Variants in SUGCT observed in about 807,000 individuals in gnomAD.
SUGCT encodes the protein succinyl-CoA:glutarate-CoA transferase, also known as succinyl-CoA:glutarate CoA-transferase.
In SUGCT, 41 loss-of-function variants were observed where a neutral mutation model predicts 55.0. The ratio of observed to expected loss-of-function variants is 0.74; its 90% CI spans 0.58 to 0.97. The LOEUF is 0.97. Among genes scored for constraint, SUGCT ranks in the 50% least tolerant of loss-of-function variants. SUGCT has a pLI of 0.00. For synonymous variants in SUGCT, 187 were observed against 200.4 expected (o/e 0.93, Z 0.56); for missense variants, 568 against 547.8 (o/e 1.04, Z -0.37).
intron 9 of SUGCT, among the ~76,000 whole-genome samples, chr7:40,378,395 A>G (rs1010152393): frequency 5.3e-5 from 8 of 152,178 alleles, no homozygotes; most frequent in Non-Finnish European, 1.0e-4. Context: ...CAAATCTGCT[A>G]TTGAGTCCTG....
intron 12 of SUGCT, among the ~76,000 whole-genome samples, chr7:40,745,584 G>GAGGTTGGC (rs1197975418): frequency 6.6e-6 from 1 of 152,158 alleles, no homozygotes; most frequent in African/African-American, 2.4e-5. Flanking sequence ...CTTTGCTAAA[G>GAGGTTGGC]AGGTTGGCGC....
intron 1 of SUGCT, among the ~76,000 whole-genome samples, chr7:40,171,583 A>T (rs1784674651): frequency 6.6e-6 from 1 of 152,180 alleles, no homozygotes; most frequent in Non-Finnish European, 1.5e-5. Flanking sequence ...ATACTTTTAG[A>T]CTTTTGAGTT....
intron 9 of SUGCT, among the ~76,000 whole-genome samples, chr7:40,393,044 A>G (rs1785528936): frequency 6.6e-6 from 1 of 152,214 alleles, no homozygotes; most frequent in Non-Finnish European, 1.5e-5. Context: ...GTCAACAGAA[A>G]TTGACCATAT....
intron 9 of SUGCT, among the ~76,000 whole-genome samples, chr7:40,440,024 C>T (rs1658238002): frequency 6.6e-6 from 1 of 152,026 alleles, no homozygotes; most frequent in Non-Finnish European, 1.5e-5. Context: ...AGACTCCTCA[C>T]TTAACTCCCT....
chr7:40,732,947 T>C (rs977459895), intron 12 of SUGCT, among the ~76,000 whole-genome samples: 1 of 150,948 alleles, frequency 6.6e-6, no homozygotes, highest in Non-Finnish European at 1.5e-5. Flanking sequence ...TAGTGGCGCA[T>C]GTCTGTAATC....
chr7:40,940,494 G>A, the SUGCT span, among the ~76,000 whole-genome samples: 2 of 151,994 alleles, frequency 1.3e-5, no homozygotes, highest in Non-Finnish European at 2.9e-5. Flanking sequence ...TCATGATATT[G>A]ATTCTTCCAT....
intron 11 of SUGCT, among the ~76,000 whole-genome samples, chr7:40,478,475 G>A (rs140589767): frequency 5.6e-4 from 85 of 152,270 alleles, no homozygotes; most frequent in Non-Finnish European, 7.2e-4. Flanking sequence ...GATACTGTAA[G>A]GTCATGATGG....
At chr7:40,591,590 C>T (rs968384843) in intron 12 of SUGCT, among the ~76,000 whole-genome samples, 11 of 152,100 alleles carry the variant, frequency 7.2e-5, no homozygotes, top group African/African-American at 2.2e-4. Context: ...CAAATAGTAT[C>T]GCATGTAACA....
intron 10 of SUGCT, among the ~76,000 whole-genome samples, chr7:40,455,000 T>C (rs1483774507): frequency 6.6e-6 from 1 of 152,122 alleles, no homozygotes; most frequent in African/African-American, 2.4e-5. Flanking sequence ...TTGAAATATT[T>C]GATGGGTGAA....
At chr7:41,026,985 T>C in the SUGCT span, among the ~76,000 whole-genome samples, 3 of 152,238 alleles carry the variant, frequency 2.0e-5, no homozygotes, top group African/African-American at 7.2e-5. Flanking sequence ...TGAGCCGAGA[T>C]CATGCCATTG....
At chr7:40,212,569 C>T (rs1030528652) in intron 6 of SUGCT, among the ~76,000 whole-genome samples, 1 of 151,914 alleles carries the variant, frequency 6.6e-6, no homozygotes, top group Non-Finnish European at 1.5e-5. Flanking sequence ...GAGTCTTGCT[C>T]TGTCCGCCAG....
At chr7:40,607,176 C>T (rs1451030958) in intron 12 of SUGCT, among the ~76,000 whole-genome samples, 1 of 151,168 alleles carries the variant, frequency 6.6e-6, no homozygotes, top group Non-Finnish European at 1.5e-5. Context: ...ACAATTATAG[C>T]TCACTACAGC....
intron 8 of SUGCT, among the ~76,000 whole-genome samples, chr7:40,286,106 C>T (rs1261967143): frequency 6.6e-6 from 1 of 152,184 alleles, no homozygotes; most frequent in African/African-American, 2.4e-5. Context: ...ATCCCTGCTC[C>T]TCATCTATTA....
chr7:40,820,493 T>G (rs908025982), intron 13 of SUGCT, among the ~76,000 whole-genome samples: 26 of 152,204 alleles, frequency 1.7e-4, no homozygotes, highest in African/African-American at 5.5e-4. Flanking sequence ...CCCTTGTAAG[T>G]TGGATTCCTA....
intron 12 of SUGCT, among the ~76,000 whole-genome samples, chr7:40,710,968 G>C (rs1158413690): frequency 6.6e-6 from 1 of 152,134 alleles, no homozygotes; most frequent in Non-Finnish European, 1.5e-5. Flanking sequence ...GGTAAAGGAA[G>C]GAATTGGGAG....
chr7:40,821,689 A>G (rs539256295), intron 13 of SUGCT, among the ~76,000 whole-genome samples: 1 of 151,872 alleles, frequency 6.6e-6, no homozygotes, highest in African/African-American at 2.4e-5. Flanking sequence ...CGGTCTGTCA[A>G]TTTTGTTGAT....
intron 9 of SUGCT, among the ~76,000 whole-genome samples, chr7:40,338,175 C>T (rs1314917321): frequency 6.6e-6 from 1 of 152,110 alleles, no homozygotes; most frequent in Non-Finnish European, 1.5e-5. Flanking sequence ...TCTGGCTGCC[C>T]TTAACATTTT....
chr7:40,714,636 C>T lies in SUGCT; in HGVS notation c.1090-34798C>T, dbSNP rs1240876731. Among the ~76,000 whole-genome samples the T allele has an allele frequency of 4.6e-5, 7 of 152,288 alleles. No homozygotes were observed. In the East Asian group the frequency reaches 1.4e-3, roughly 29 times the overall value. The stretch of plus-strand genomic sequence containing the variant: ...TCTCCATTATTTAAGGAAATTATTA[C>T]ATAACTGCATAGGTCTTCAATAATA... On this transcript the variant is annotated intron_variant, in intron 12 of 13. Transcript: ENST00000335693.
At chr7:41,014,337 A>G in the SUGCT span, among the ~76,000 whole-genome samples, 712 of 152,346 alleles carry the variant, frequency 4.7e-3, 3 homozygotes, top group African/African-American at 0.017. Flanking sequence ...TGACTACTTC[A>G]TAAAAGTCTG....
Sources: allele counts gnomAD v4.1 joint callset (sites outside exome capture counted in the v4.1 genomes callset), GRCh38; gene constraint gnomAD v4.1.1; transcripts MANE v1.5; gene names NCBI Gene and HGNC (gene_info 2026-07-23, HGNC 2026-07-21).